Variants in RNF185 observed in about 807,000 individuals in gnomAD.
RNF185 encodes the protein E3 ubiquitin-protein ligase RNF185.
Under a neutral mutation model 24.9 loss-of-function variants are expected in RNF185, and 13 were observed. That is an observed-to-expected ratio of 0.52 (90% CI 0.34 to 0.83). The LOEUF (loss-of-function observed/expected upper bound fraction) is 0.83, where lower values mean the gene tolerates loss of function less well. RNF185 is among the 40% of genes least tolerant of loss of function. RNF185 has a pLI of 0.01. For synonymous variants in RNF185, 79 were observed against 90.3 expected, an observed-to-expected ratio of 0.88 and a Z score of 0.71; for missense variants, 184 against 244.7, an observed-to-expected ratio of 0.75 and a Z score of 1.65.
At position 31,196,982 on chromosome 22, in the gene RNF185, A is replaced by T. The variant is rs370429043; in HGVS notation, c.355A>T (p.Asn119Tyr). The T allele has an allele frequency of 6.2e-7, 1 of 1,613,682 alleles. No individual in the cohort carries two copies. Among genetic ancestry groups the T allele is most frequent in the African/African-American group, 1.3e-5 (1 of 74,934 alleles). The part of the protein sequence containing the change: ...RPQGQRPEPE[N>Y]RGGFQGFGFG... ...TCAAGGACAGAGGCCAGAGCCGGAGAATAGAGGGGTGAGGAACATTCTAGG... is the reference window on the plus strand; with the variant it reads ...TCAAGGACAGAGGCCAGAGCCGGAGTATAGAGGGGTGAGGAACATTCTAGG... The change falls in exon 5 of 7, where the codon AAT (asparagine) becomes TAT (tyrosine). Residue 119 changes from asparagine to tyrosine, a missense_variant. Physicochemically the swap from Asn to Tyr is moderately radical, Grantham distance 143 (BLOSUM62 -2). Transcript: ENST00000326132.
chr22:31,195,030 G>A (rs1420048206), intron 3 of RNF185, among the ~76,000 whole-genome samples: 4 of 151,894 alleles, frequency 2.6e-5, no homozygotes, highest in Non-Finnish European at 5.9e-5. Context: ...TCGGCTCACT[G>A]CAACCTCCGC....
At chr22:31,162,871 T>C (rs543184631) in intron 1 of RNF185, among the ~76,000 whole-genome samples, 19 of 151,740 alleles carry the variant, frequency 1.3e-4, no homozygotes, top group Admixed American at 3.3e-4. Context: ...TTCATGCCAT[T>C]CTCCTGCCTC....
At chr22:31,188,830 T>C (rs2048124657) in intron 2 of RNF185, among the ~76,000 whole-genome samples, 1 of 148,886 alleles carries the variant, frequency 6.7e-6, no homozygotes, top group Non-Finnish European at 1.5e-5. Context: ...AAAATATATA[T>C]ATATTCTGGG....
At chr22:31,170,195 GT>G (rs1924196259) in intron 1 of RNF185, among the ~76,000 whole-genome samples, 1 of 150,124 alleles carries the variant, frequency 6.7e-6, no homozygotes, top group Admixed American at 6.7e-5. Flanking sequence ...TTTTTTTTTT[GT>G]TTGTTTGTTT....
intron 1 of RNF185, among the ~76,000 whole-genome samples, chr22:31,177,138 A>G (rs973689679): frequency 3.9e-5 from 6 of 152,006 alleles, no homozygotes; most frequent in African/African-American, 1.4e-4. Context: ...CATCCTCCCC[A>G]GCATTCCCTG....
At chr22:31,199,964 TC>T in intron 5 of RNF185, among the ~76,000 whole-genome samples, 1 of 152,354 alleles carries the variant, frequency 6.6e-6, no homozygotes, top group East Asian at 1.9e-4. Flanking sequence ...GACCCAATAG[TC>T]TGTCTGCTTT....
At chr22:31,171,935 T>C (rs1413305835) in intron 1 of RNF185, among the ~76,000 whole-genome samples, 1 of 151,998 alleles carries the variant, frequency 6.6e-6, no homozygotes, top group Non-Finnish European at 1.5e-5. Flanking sequence ...GCCATTGCAC[T>C]CCAGCCTGGG....
At chr22:31,188,585 G>A (rs2048122244) in intron 2 of RNF185, among the ~76,000 whole-genome samples, 1 of 152,114 alleles carries the variant, frequency 6.6e-6, no homozygotes, top group African/African-American at 2.4e-5. Context: ...CAAACACTTT[G>A]AGAGGCCATG....
At chr22:31,203,441 C>T (rs1025404189) in intron 6 of RNF185, among the ~76,000 whole-genome samples, 1 of 152,188 alleles carries the variant, frequency 6.6e-6, no homozygotes, top group Non-Finnish European at 1.5e-5. Context: ...AGAGCTCTGC[C>T]ACTAATTTCT....
In RNF185 at chr22:31,198,704, CTTTTTTTTTTTT is replaced by C. The variant is rs1196076379; in HGVS notation, c.363+1730_363+1741del. On this transcript the variant is annotated intron_variant, in intron 5 of 6. Coordinates refer to ENST00000326132, the MANE Select transcript of RNF185 (RefSeq NM_152267.4). Reference sequence around the variant, plus strand: ...GTGAGCCACCGCGCACTGCCACTTTCTTTTTTTTTTTTTTTTTTTTTTTTTTTGAGTTTGAAT... The same window carrying C: ...GTGAGCCACCGCGCACTGCCACTTTCTTTTTTTTTTTTTTTGAGTTTGAAT... Among the ~76,000 whole-genome samples the C allele has an allele frequency of 1.1e-4, 8 of 69,680 alleles. No individual in the cohort carries two copies. The South Asian group carries it at 1.7e-3, about 15-fold the overall frequency. The allele number at this position is 69,680 out of a possible 152,430, so 45.7% of individuals were successfully genotyped here.
chr22:31,198,587 C>T (rs989116330), intron 5 of RNF185, among the ~76,000 whole-genome samples: 7 of 150,816 alleles, frequency 4.6e-5, no homozygotes, highest in African/African-American at 1.5e-4. Flanking sequence ...TTAGTAGAGA[C>T]GAGGTTTCTC....
At chr22:31,190,580 C>G (rs1001227059) in intron 2 of RNF185, among the ~76,000 whole-genome samples, 11 of 151,506 alleles carry the variant, frequency 7.3e-5, no homozygotes, top group Non-Finnish European at 1.5e-5. Context: ...AGCCACCACG[C>G]CCAGCCTGGT....
At chr22:31,196,582 C>G (rs1013431713) in intron 4 of RNF185, among the ~76,000 whole-genome samples, 24 of 152,220 alleles carry the variant, frequency 1.6e-4, no homozygotes, top group African/African-American at 5.3e-4. Flanking sequence ...AACCCACCCT[C>G]TGTTCCAGTA....
At chr22:31,179,946 A>T (rs1270736190) in intron 1 of RNF185, among the ~76,000 whole-genome samples, 1 of 152,156 alleles carries the variant, frequency 6.6e-6, no homozygotes, top group African/African-American at 2.4e-5. Flanking sequence ...CTCAGTAGCC[A>T]TGTAGGAGGC....
intron 1 of RNF185, among the ~76,000 whole-genome samples, chr22:31,166,712 C>T (rs1243967034): frequency 2.0e-5 from 3 of 151,614 alleles, no homozygotes; most frequent in Non-Finnish European, 2.9e-5. Context: ...TGCAATGGTG[C>T]GATCTTGGCT....
chr22:31,182,259 G>A (rs1385387388), intron 1 of RNF185, among the ~76,000 whole-genome samples: 1 of 151,734 alleles, frequency 6.6e-6, no homozygotes, highest in South Asian at 2.1e-4. Flanking sequence ...CTACAGGTGT[G>A]TACCACCACA....
chr22:31,189,135 A>ATATGTGTATG (rs368967009), intron 2 of RNF185, among the ~76,000 whole-genome samples: 1 of 136,872 alleles, frequency 7.3e-6, no homozygotes, highest in South Asian at 2.3e-4. Flanking sequence ...CAAAAAAAAA[A>ATATGTGTATG]TGTGTGTGTG....
intron 1 of RNF185, among the ~76,000 whole-genome samples, chr22:31,162,766 CTTT>C (rs71319163): frequency 1.5e-5 from 2 of 134,440 alleles, no homozygotes. Context: ...ATTTTTCTTT[CTTT>C]TTTTTTTTTT....
rs759844218 is a variant in RNF185, at chr22:31,195,497, T to G, written c.224T>G (p.Val75Gly). 2 of 1,609,436 alleles carry G rather than the reference T, an allele frequency of 1.2e-6. No individual in the cohort carries two copies. The highest frequency in any genetic ancestry group is 1.7e-6 in the Non-Finnish European group (2 of 1,177,986). Residue 75 changes from valine to glycine, a missense_variant, in exon 4 of 7, where the codon GTG (valine) becomes GGG (glycine). Coordinates refer to ENST00000326132, the MANE Select transcript of RNF185 (RefSeq NM_152267.4). ...TTGGAGACCAGACCTAACAGACAGGTGTGTCCTGTTTGCAAAGCTGGCATC... is the reference window on the plus strand; with the variant it reads ...TTGGAGACCAGACCTAACAGACAGGGGTGTCCTGTTTGCAAAGCTGGCATC... ...QWLETRPNRQ[V>G]CPVCKAGISR... is the part of the protein sequence containing the mutation.
Sources: gnomAD v4.1 joint callset for allele counts (sites outside exome capture counted in the v4.1 genomes callset) on GRCh38, gnomAD v4.1.1 for gene constraint, MANE v1.5 for transcripts, NCBI Gene and HGNC (gene_info 2026-07-23, HGNC 2026-07-21) for gene names.